Variants in CNTNAP2 observed in about 807,000 individuals in gnomAD.
CNTNAP2 encodes the protein contactin associated protein 2.
CNTNAP2 carries 98 observed loss-of-function variants against 155.2 expected under a neutral mutation model. The ratio of observed to expected loss-of-function variants is 0.63; its 90% CI spans 0.54 to 0.75. The LOEUF is 0.75. Ranked by LOEUF, CNTNAP2 falls within the 30% of genes least tolerant of loss-of-function variation. CNTNAP2 has a pLI of 0.00. For synonymous variants in CNTNAP2, 651 were observed against 631.2 expected, an observed-to-expected ratio of 1.03 and a Z score of -0.47; for missense variants, 1,727 against 1,688.1, an observed-to-expected ratio of 1.02 and a Z score of -0.40.
chr7:147,303,807 A>C (rs2116777586), intron 9 of CNTNAP2, among the ~76,000 whole-genome samples: 1 of 152,284 alleles, frequency 6.6e-6, no homozygotes, highest in South Asian at 2.1e-4. Context: ...ATGCATCTTG[A>C]GCCTTTCTTT....
chr7:148,252,995 GAGATAGATAGATACATAGAT>G (rs1215005882), intron 20 of CNTNAP2, among the ~76,000 whole-genome samples: 14 of 137,848 alleles, frequency 1.0e-4, no homozygotes, highest in African/African-American at 3.8e-4. Flanking sequence ...CAGAATAACA[GAGATAGATAGATACATAGAT>G]AGATAGATAG....
intron 1 of CNTNAP2, among the ~76,000 whole-genome samples, chr7:146,607,605 T>C (rs1346655463): frequency 6.6e-6 from 1 of 151,990 alleles, no homozygotes; most frequent in African/African-American, 2.4e-5. Flanking sequence ...GCCTGCCAAG[T>C]AGCTGGGATT....
chr7:146,888,910 A>G (rs1326405337), intron 3 of CNTNAP2, among the ~76,000 whole-genome samples: 2 of 152,160 alleles, frequency 1.3e-5, no homozygotes, highest in Non-Finnish European at 2.9e-5. Flanking sequence ...TAAGTCCTGG[A>G]GAGCTAGTAT....
chr7:147,755,409 C>A (rs1797200203), intron 13 of CNTNAP2, among the ~76,000 whole-genome samples: 1 of 152,218 alleles, frequency 6.6e-6, no homozygotes, highest in South Asian at 2.1e-4. Context: ...AATCCCAGCA[C>A]TTTGGGATGC....
intron 1 of CNTNAP2, among the ~76,000 whole-genome samples, chr7:146,450,241 A>G (rs769932304): frequency 1.3e-5 from 2 of 152,228 alleles, no homozygotes; most frequent in Non-Finnish European, 2.9e-5. Flanking sequence ...ATTTAGCTGT[A>G]TTAATACTTT....
intron 15 of CNTNAP2, among the ~76,000 whole-genome samples, chr7:147,985,836 G>A (rs1243832018): frequency 1.3e-5 from 2 of 152,170 alleles, no homozygotes; most frequent in Non-Finnish European, 2.9e-5. Context: ...GGTTTGGCCT[G>A]AAACTCAGCT....
At chr7:147,657,965 T>A (rs1183697368) in intron 13 of CNTNAP2, among the ~76,000 whole-genome samples, 1 of 151,810 alleles carries the variant, frequency 6.6e-6, no homozygotes, top group African/African-American at 2.4e-5. Context: ...TCTCTTAAGA[T>A]AGCCGACCTG....
intron 13 of CNTNAP2, among the ~76,000 whole-genome samples, chr7:147,822,131 C>A (rs851658): frequency 0.042 from 6,320 of 152,040 alleles, 470 homozygotes; most frequent in African/African-American, 0.14. Context: ...TCTATGGAGT[C>A]GTGGGTAGAG....
At chr7:146,796,322 T>G (rs544118763) in intron 2 of CNTNAP2, among the ~76,000 whole-genome samples, 2 of 152,230 alleles carry the variant, frequency 1.3e-5, no homozygotes, top group South Asian at 4.2e-4. Context: ...AGCAAGGACA[T>G]GAGAACGACC....
At chr7:146,503,843 C>T (rs1797341931) in intron 1 of CNTNAP2, among the ~76,000 whole-genome samples, 1 of 152,104 alleles carries the variant, frequency 6.6e-6, no homozygotes, top group Non-Finnish European at 1.5e-5. Flanking sequence ...TGTCAGGTTC[C>T]AACCTGAGCT....
chr7:146,787,828 C>G (rs958936501), intron 2 of CNTNAP2, among the ~76,000 whole-genome samples: 1 of 152,122 alleles, frequency 6.6e-6, no homozygotes, highest in East Asian at 1.9e-4. Context: ...CAAAAGTTCT[C>G]CAAGTCCCCA....
At chr7:146,292,467 GAAAC>G (rs746496486) in intron 1 of CNTNAP2, among the ~76,000 whole-genome samples, 13 of 152,150 alleles carry the variant, frequency 8.5e-5, no homozygotes, top group Non-Finnish European at 1.6e-4. Flanking sequence ...TTATCAAAAA[GAAAC>G]AAGAGAACAA....
At chr7:147,849,628 C>A (rs1419326959) in intron 13 of CNTNAP2, among the ~76,000 whole-genome samples, 1 of 152,146 alleles carries the variant, frequency 6.6e-6, no homozygotes, top group Non-Finnish European at 1.5e-5. Flanking sequence ...TGCAAAGAAA[C>A]CTCTTCCTCC....
chr7:147,850,407 A>C (rs547539721), intron 13 of CNTNAP2, among the ~76,000 whole-genome samples: 1 of 152,234 alleles, frequency 6.6e-6, no homozygotes, highest in Admixed American at 6.5e-5. Context: ...ACAGAATTGG[A>C]AAAAACTGCT....
At chr7:147,941,441 T>C (rs1800719923) in intron 14 of CNTNAP2, among the ~76,000 whole-genome samples, 1 of 152,132 alleles carries the variant, frequency 6.6e-6, no homozygotes, top group Non-Finnish European at 1.5e-5. Context: ...TAAAATAATA[T>C]TGGTAACACA....
intron 13 of CNTNAP2, among the ~76,000 whole-genome samples, chr7:147,793,395 T>C (rs1797849433): frequency 6.6e-6 from 1 of 152,126 alleles, no homozygotes. Flanking sequence ...CTTTATACTT[T>C]TGCATGTGTA....
chr7:147,494,609 A>G (rs1038371052), intron 11 of CNTNAP2, among the ~76,000 whole-genome samples: 1 of 151,986 alleles, frequency 6.6e-6, no homozygotes, highest in East Asian at 1.9e-4. Flanking sequence ...TATTCATTAA[A>G]CTCCCTGTAG....
At chr7:147,849,380 TA>T (rs1373089802) in intron 13 of CNTNAP2, among the ~76,000 whole-genome samples, 1 of 152,208 alleles carries the variant, frequency 6.6e-6, no homozygotes, top group Non-Finnish European at 1.5e-5. Context: ...AACAGGAGTG[TA>T]GACTTTTAGA....
chr7:146,495,580 G>A (rs568430521), intron 1 of CNTNAP2, among the ~76,000 whole-genome samples: 39 of 136,776 alleles, frequency 2.9e-4, no homozygotes, highest in African/African-American at 1.1e-3. Flanking sequence ...TTTTGCCTTC[G>A]TAAAGCACTA....
Sources: gnomAD v4.1 joint callset for allele counts (sites outside exome capture counted in the v4.1 genomes callset) on GRCh38, gnomAD v4.1.1 for gene constraint, MANE v1.5 for transcripts, NCBI Gene and HGNC (gene_info 2026-07-23, HGNC 2026-07-21) for gene names.